DCLK1: variants seen among roughly 807,000 people sequenced by gnomAD.
DCLK1 encodes doublecortin like kinase 1, also known as serine/threonine-protein kinase DCLK1.
A neutral mutation model predicts 86.2 loss-of-function variants in DCLK1; 16 were observed. That is an observed-to-expected ratio of 0.19 (90% CI 0.13 to 0.28). The LOEUF (loss-of-function observed/expected upper bound fraction) is 0.28, where lower values mean the gene tolerates loss of function less well. DCLK1 is among the 10% of genes least tolerant of loss of function. The probability of loss-of-function intolerance (pLI) is 1.00; values close to 1 mark genes in which losing one functional copy is unlikely to be tolerated. For synonymous variants in DCLK1, 369 were observed against 370.5 expected, an observed-to-expected ratio of 1.00 and a Z score of 0.05; for missense variants, 590 against 940.2, an observed-to-expected ratio of 0.63 and a Z score of 4.87.
chr13:35,921,509 G>A (rs1459351000), intron 4 of DCLK1, among the ~76,000 whole-genome samples: 1 of 152,134 alleles, frequency 6.6e-6, no homozygotes, highest in African/African-American at 2.4e-5. Context: ...CACAATGCAT[G>A]GTCTCACAGC....
chr13:35,960,772 C>T (rs933519445), intron 3 of DCLK1, among the ~76,000 whole-genome samples: 1 of 152,206 alleles, frequency 6.6e-6, no homozygotes, highest in Admixed American at 6.5e-5. Flanking sequence ...AAAATCAGAG[C>T]TTTCCACAAA....
chr13:35,834,266 C>T lies in DCLK1; in HGVS notation c.1229+1767G>A, dbSNP rs189908006. ...ATAAGCACACATTTATTTGCATGCA[C>T]GCTTCTATCCATTACCATAGGAATG... On this transcript the variant is annotated intron_variant, in intron 8 of 16. Coordinates refer to ENST00000360631, the MANE Select transcript of DCLK1 (RefSeq NM_001330071.2). Among the ~76,000 whole-genome samples the T allele has an allele frequency of 1.5e-3, 228 of 152,296 alleles. 2 individuals are homozygous for T. Among genetic ancestry groups the T allele is most frequent in the East Asian group, 5.8e-4 (3 of 5,180 alleles).
intron 14 of DCLK1, 129 bp downstream of exon 14, chr13:35,808,095 A>T: frequency 1.1e-6 from 1 of 876,570 alleles, no homozygotes; most frequent in South Asian, 1.6e-5. Context: ...AAAACCTAGC[A>T]ATTACAACTA....
intron 4 of DCLK1, among the ~76,000 whole-genome samples, chr13:35,884,710 G>T (rs1306236336): frequency 6.6e-6 from 1 of 152,134 alleles, no homozygotes; most frequent in African/African-American, 2.4e-5. Context: ...TCTAGCACAT[G>T]CCCCAGTGGG....
At chr13:35,826,665 A>G (rs1868491201) in intron 10 of DCLK1, among the ~76,000 whole-genome samples, 1 of 152,192 alleles carries the variant, frequency 6.6e-6, no homozygotes, top group South Asian at 2.1e-4. Context: ...AGCAATTCTA[A>G]ATAACAAAAA....
intron 12 of DCLK1, among the ~76,000 whole-genome samples, 198 bp downstream of exon 12, chr13:35,810,637 T>C (rs1385693622): frequency 1.3e-5 from 2 of 152,318 alleles, no homozygotes; most frequent in Middle Eastern, 3.4e-3. Context: ...ATTGCAGTAA[T>C]TGACAAAACA....
At chr13:36,005,024 T>G (rs1188824445) in intron 3 of DCLK1, among the ~76,000 whole-genome samples, 1 of 152,174 alleles carries the variant, frequency 6.6e-6, no homozygotes, top group Admixed American at 6.5e-5. Context: ...TTTACATCAT[T>G]AGCATGAAAC....
intron 3 of DCLK1, among the ~76,000 whole-genome samples, chr13:36,076,413 C>G (rs2153162605): frequency 6.6e-6 from 1 of 152,274 alleles, no homozygotes; most frequent in African/African-American, 2.4e-5. Flanking sequence ...GCTGACCACT[C>G]AGTTCTCAAA....
intron 4 of DCLK1, among the ~76,000 whole-genome samples, chr13:35,893,531 G>A (rs1156444686): frequency 6.6e-6 from 1 of 152,198 alleles, no homozygotes; most frequent in Non-Finnish European, 1.5e-5. Flanking sequence ...TTTGAGTGCT[G>A]ACATGATGCC....
chr13:35,791,909 ATCTTG>A (rs1421081742), intron 16 of DCLK1, among the ~76,000 whole-genome samples: 2 of 152,224 alleles, frequency 1.3e-5, no homozygotes, highest in African/African-American at 2.4e-5. Context: ...ATAGACATAT[ATCTTG>A]AACGAACAAT....
chr13:35,873,446 G>A lies in DCLK1; in HGVS notation c.824-2106C>T, dbSNP rs374198259. Among the ~76,000 whole-genome samples, 119 of 151,752 alleles carry A rather than the reference G, an allele frequency of 7.8e-4. No individual in the cohort carries two copies. In the East Asian group the frequency reaches 0.016, roughly 20 times the overall value. On this transcript the variant is annotated intron_variant, in intron 4 of 16. Coordinates refer to ENST00000360631, the MANE Select transcript of DCLK1 (RefSeq NM_001330071.2). ...GTTGCCCAGGCTGGAGTGCAGTGGC[G>A]TGATCTCGGGTCACTGCAACCTCCA...
At chr13:35,891,400 T>C (rs1304575285) in intron 4 of DCLK1, among the ~76,000 whole-genome samples, 1 of 152,214 alleles carries the variant, frequency 6.6e-6, no homozygotes, top group African/African-American at 2.4e-5. Context: ...ACATTACTTT[T>C]GTAAAACAAA....
intron 4 of DCLK1, among the ~76,000 whole-genome samples, 161 bp downstream of exon 4, chr13:35,947,196 TA>T (rs902111155): frequency 4.9e-4 from 73 of 150,398 alleles, no homozygotes; most frequent in Non-Finnish European, 6.8e-4. Context: ...TTTCCATATT[TA>T]AAAAAAAAAT....
chr13:35,986,321 A>G (rs2153142708), intron 3 of DCLK1, among the ~76,000 whole-genome samples: 1 of 151,010 alleles, frequency 6.6e-6, no homozygotes, highest in South Asian at 2.1e-4. Context: ...AAAAAAAAAA[A>G]AAAAAAAGGC....
rs2153102969 is a variant in DCLK1 at position 35,810,984 on chromosome 13, A to C, written c.1555-16T>G. On this transcript the variant is annotated splice_polypyrimidine_tract_variant and intron_variant, in intron 11 of 16. Coordinates refer to ENST00000360631, the MANE Select transcript of DCLK1 (RefSeq NM_001330071.2). ...GCTCATACACCTAAAACAAAGGTAA[A>C]AATCACAATTGTCTGAAAACCAAGA... 2 of 1,613,100 alleles carry C rather than the reference A, an allele frequency of 1.2e-6. No individual in the cohort carries two copies. The highest frequency in any genetic ancestry group is 2.2e-5 in the South Asian group (2 of 90,718).
intron 3 of DCLK1, among the ~76,000 whole-genome samples, chr13:36,065,307 T>C (rs1883707572): frequency 6.6e-6 from 1 of 152,172 alleles, no homozygotes; most frequent in South Asian, 2.1e-4. Context: ...ATGTTAAACA[T>C]GTGGGCACAG....
chr13:35,808,192 A>G, intron 14 of DCLK1, 32 bp downstream of exon 14: 1 of 1,573,336 alleles, frequency 6.4e-7, no homozygotes, highest in East Asian at 2.2e-5. Flanking sequence ...GACACACAGA[A>G]TATAGGGAAG....
chr13:35,861,764 C>A (rs1252258399), intron 5 of DCLK1, among the ~76,000 whole-genome samples: 1 of 151,942 alleles, frequency 6.6e-6, no homozygotes, highest in East Asian at 1.9e-4. Flanking sequence ...CAGTGGCTCA[C>A]GCCTGAAATC....
chr13:35,964,598 G>A (rs901336043), intron 3 of DCLK1, among the ~76,000 whole-genome samples: 1 of 152,100 alleles, frequency 6.6e-6, no homozygotes, highest in Non-Finnish European at 1.5e-5. Flanking sequence ...TAAACCATTT[G>A]CTAGAACATA....
Sources: gnomAD v4.1 joint callset for allele counts (sites outside exome capture counted in the v4.1 genomes callset) on GRCh38, gnomAD v4.1.1 for gene constraint, MANE v1.5 for transcripts, NCBI Gene and HGNC (gene_info 2026-07-23, HGNC 2026-07-21) for gene names.